PRKCB: variants seen among roughly 807,000 people sequenced by gnomAD.
PRKCB encodes the protein protein kinase C beta type.
A neutral mutation model predicts 81.5 loss-of-function variants in PRKCB; 13 were observed. The ratio of observed to expected loss-of-function variants is 0.16; its 90% CI spans 0.10 to 0.25. The LOEUF is 0.25. Among genes scored for constraint, PRKCB ranks in the 10% least tolerant of loss-of-function variants. The pLI is 1.00. For missense variants in PRKCB, 509 were observed against 875.7 expected, an observed-to-expected ratio of 0.58 and a Z score of 5.29; for synonymous variants, 335 against 321.4, an observed-to-expected ratio of 1.04 and a Z score of -0.45.
At chr16:24,189,906 CT>C (rs1326544830) in intron 15 of PRKCB, among the ~76,000 whole-genome samples, 1 of 152,180 alleles carries the variant, frequency 6.6e-6, no homozygotes, top group Non-Finnish European at 1.5e-5. Context: ...CTCTGGAAAG[CT>C]TTTGGACTTG....
intron 5 of PRKCB, among the ~76,000 whole-genome samples, chr16:24,080,520 G>C (rs1966236643): frequency 6.6e-6 from 1 of 152,068 alleles, no homozygotes; most frequent in Non-Finnish European, 1.5e-5. Context: ...TGGTGTCGGG[G>C]GAGCAGGAGG....
rs1289324854 is a variant in PRKCB, at chr16:23,865,563, GTGTGTGTATA to G, written c.205+28161_205+28170del. On this transcript the variant is annotated intron_variant, in intron 2 of 16. Transcript: ENST00000643927. The stretch of plus-strand genomic sequence containing the variant: ...TGTGTGTGTGTGTGTGTGTGTGTGT[GTGTGTGTATA>G]TGTATATTTAAATTTTTATATATAA... Among the ~76,000 whole-genome samples, 102 of 10,246 alleles carry G rather than the reference GTGTGTGTATA, an allele frequency of 1.0e-2. 1 individual carries two copies. The highest frequency in any genetic ancestry group is 0.056 in the Middle Eastern group (1 of 18). 6.7% of individuals were successfully genotyped at this position (10,246 alleles called of 152,430 possible).
intron 2 of PRKCB, among the ~76,000 whole-genome samples, chr16:23,928,809 C>G (rs947669757): frequency 5.9e-5 from 9 of 151,994 alleles, no homozygotes; most frequent in Middle Eastern, 6.8e-3. Context: ...ACCTCCGCCT[C>G]CCAGGTTCAA....
chr16:24,012,657 C>T (rs1270634189), intron 3 of PRKCB, among the ~76,000 whole-genome samples: 1 of 152,246 alleles, frequency 6.6e-6, no homozygotes, highest in Non-Finnish European at 1.5e-5. Context: ...GGTGGACATA[C>T]GTCCTCCTCT....
chr16:23,919,387 C>CAAA (rs55957044), intron 2 of PRKCB, among the ~76,000 whole-genome samples: 1,658 of 145,982 alleles, frequency 0.011, 13 homozygotes, highest in Non-Finnish European at 0.017. Flanking sequence ...GACGAATTTG[C>CAAA]AAAAAAAAAA....
chr16:24,002,350 C>CGT (rs909502386), intron 3 of PRKCB, among the ~76,000 whole-genome samples: 18 of 150,344 alleles, frequency 1.2e-4, no homozygotes, highest in Non-Finnish European at 1.9e-4. Flanking sequence ...TGCGTGCGTG[C>CGT]GTGTGTGTGT....
At chr16:24,191,007 A>AT in intron 15 of PRKCB, 83 bp from the exon 16 acceptor site, 1 of 1,458,374 alleles carries the variant, frequency 6.9e-7, no homozygotes, top group South Asian at 1.3e-5. Context: ...TTCTTTCCTA[A>AT]TGCATTGGAG....
chr16:24,179,968 G>A (rs553293328), intron 12 of PRKCB, among the ~76,000 whole-genome samples: 3 of 151,092 alleles, frequency 2.0e-5, no homozygotes, highest in Admixed American at 1.3e-4. Flanking sequence ...TTTTCAAGAC[G>A]GAGTCTCGCT....
intron 16 of PRKCB, among the ~76,000 whole-genome samples, chr16:24,207,723 G>A (rs1025243467): frequency 6.6e-6 from 1 of 152,106 alleles, no homozygotes; most frequent in Non-Finnish European, 1.5e-5. Flanking sequence ...TATTTTGATG[G>A]GGTAAATCCA....
chr16:24,089,970 G>A (rs1312697243), intron 5 of PRKCB, among the ~76,000 whole-genome samples: 1 of 152,040 alleles, frequency 6.6e-6, no homozygotes, highest in Non-Finnish European at 1.5e-5. Context: ...CTATTTTATT[G>A]ATCAAGAAAT....
intron 2 of PRKCB, among the ~76,000 whole-genome samples, chr16:23,860,971 A>G (rs1962654772): frequency 6.6e-6 from 1 of 152,144 alleles, no homozygotes; most frequent in Admixed American, 6.5e-5. Flanking sequence ...GTTTGGTGCT[A>G]TCATGTCCTA....
At chr16:24,064,434 T>C (rs1490081461) in intron 5 of PRKCB, among the ~76,000 whole-genome samples, 1 of 152,256 alleles carries the variant, frequency 6.6e-6, no homozygotes, top group African/African-American at 2.4e-5. Context: ...GTAAATATTC[T>C]AGTTATCTTT....
chr16:24,019,883 C>T (rs1024075722), intron 3 of PRKCB, among the ~76,000 whole-genome samples: 6 of 152,162 alleles, frequency 3.9e-5, no homozygotes, highest in Admixed American at 3.9e-4. Flanking sequence ...ATTTAAACAA[C>T]CCTTTCCCAG....
chr16:24,020,908 C>T (rs1180702486), intron 3 of PRKCB, among the ~76,000 whole-genome samples: 1 of 152,230 alleles, frequency 6.6e-6, no homozygotes, highest in Non-Finnish European at 1.5e-5. Flanking sequence ...TTTACTTCAG[C>T]CCAACCAGAT....
At chr16:23,982,332 C>T (rs1385944101) in intron 2 of PRKCB, among the ~76,000 whole-genome samples, 7 of 134,552 alleles carry the variant, frequency 5.2e-5, no homozygotes, top group Non-Finnish European at 1.1e-4. Context: ...CTTCCCCTTC[C>T]CTTTCCCTTT....
In PRKCB at chr16:24,035,443, G is replaced by T; in HGVS notation, c.425G>T (p.Arg142Leu). Residue 142 changes from arginine to leucine, a missense_variant, in exon 5 of 17, where the codon CGC becomes CTC. By Grantham distance (102) the Arg-to-Leu change is moderately radical. Around this residue, in one of 6 missense-constraint regions of PRKCB, gnomAD observed 184 missense variants for 362.9 expected, o/e 0.51. Coordinates refer to ENST00000643927, the MANE Select transcript of PRKCB (RefSeq NM_002738.7). The part of the protein sequence containing the change: ...CDTCMMNVHK[R>L]CVMNVPSLCG... ...GCCTGCATGATGAATGTGCACAAGC[G>T]CTGCGTGATGAATGTTCCCAGCCTG... The T allele has an allele frequency of 1.9e-6, 3 of 1,614,082 alleles. No individual in the cohort carries two copies. The highest frequency in any genetic ancestry group is 2.5e-6 in the Non-Finnish European group (3 of 1,179,974).
intron 9 of PRKCB, among the ~76,000 whole-genome samples, chr16:24,132,125 C>T (rs945162828): frequency 6.6e-6 from 1 of 152,208 alleles, no homozygotes; most frequent in Admixed American, 6.5e-5. Context: ...TTTCTACCTT[C>T]ATTTCCTCCC....
intron 5 of PRKCB, among the ~76,000 whole-genome samples, chr16:24,085,113 A>G (rs1966296252): frequency 6.7e-6 from 1 of 149,774 alleles, no homozygotes; most frequent in South Asian, 2.2e-4. Flanking sequence ...ACCAGGGGAA[A>G]GGAAACAGTT....
chr16:24,097,361 T>C (rs1342976966), intron 7 of PRKCB, among the ~76,000 whole-genome samples: 1 of 152,028 alleles, frequency 6.6e-6, no homozygotes, highest in Non-Finnish European at 1.5e-5. Context: ...TTGAAACATA[T>C]ATTGAGTGTC....
Sources: allele counts gnomAD v4.1 joint callset (sites outside exome capture counted in the v4.1 genomes callset), GRCh38; gene constraint gnomAD v4.1.1; regional missense constraint gnomAD v4.1.1; transcripts MANE v1.5; gene names NCBI Gene and HGNC (gene_info 2026-07-23, HGNC 2026-07-21).